Variants in HSD17B2 observed in about 807,000 individuals in gnomAD.
HSD17B2 encodes the protein hydroxysteroid 17-beta dehydrogenase 2.
A neutral mutation model predicts 26.9 loss-of-function variants in HSD17B2; 32 were observed. That is an observed-to-expected ratio of 1.19 (90% CI 0.90 to 1.60). HSD17B2 has a LOEUF of 1.60. HSD17B2 is among the 40% of genes most tolerant of loss of function. The pLI, the probability that HSD17B2 is intolerant of heterozygous loss-of-function variation, is 0.00. For missense variants in HSD17B2, 613 were observed against 468.6 expected, an observed-to-expected ratio of 1.31 and a Z score of -2.85; for synonymous variants, 246 against 186.7, an observed-to-expected ratio of 1.32 and a Z score of -2.59.
At chr16:82,077,602 TGCCTGTA>T (rs1330925528) in intron 3 of HSD17B2, among the ~76,000 whole-genome samples, 1 of 152,028 alleles carries the variant, frequency 6.6e-6, no homozygotes, top group Non-Finnish European at 1.5e-5. Flanking sequence ...TGGTGGCATG[TGCCTGTA>T]GTCCTAGCTA....
At chr16:82,089,644 G>C (rs923551890) in intron 3 of HSD17B2, among the ~76,000 whole-genome samples, 2 of 152,142 alleles carry the variant, frequency 1.3e-5, no homozygotes, top group African/African-American at 4.8e-5. Flanking sequence ...AGTGTTAGCA[G>C]GGCTGTGCTC....
At chr16:82,057,204 CTTT>C (rs34353182) in intron 1 of HSD17B2, among the ~76,000 whole-genome samples, 1 of 143,846 alleles carries the variant, frequency 7.0e-6, no homozygotes. Context: ...CTTTTCTTTT[CTTT>C]TTTTTTTTTT....
intron 1 of HSD17B2, among the ~76,000 whole-genome samples, chr16:82,047,912 T>C (rs1017516516): frequency 8.5e-5 from 13 of 152,182 alleles, no homozygotes; most frequent in African/African-American, 2.9e-4. Flanking sequence ...TAGAGAATGA[T>C]TCTGAGGGTC....
intron 3 of HSD17B2, among the ~76,000 whole-genome samples, chr16:82,080,410 G>C (rs1281390407): frequency 6.6e-6 from 1 of 152,172 alleles, no homozygotes; most frequent in Non-Finnish European, 1.5e-5. Flanking sequence ...GAGTCAGAGA[G>C]AAACTGGAAG....
chr16:82,087,616 G>A (rs1329512695), intron 3 of HSD17B2, among the ~76,000 whole-genome samples: 1 of 152,214 alleles, frequency 6.6e-6, no homozygotes, highest in Non-Finnish European at 1.5e-5. Context: ...GATTGTCAAT[G>A]TGGTATATGA....
chr16:82,035,436 C>G lies in HSD17B2; in HGVS notation c.12C>G (p.Phe4Leu), dbSNP rs200277145. The G allele has an allele frequency of 1.9e-4, 304 of 1,611,372 alleles. No homozygotes were observed. Among genetic ancestry groups the G allele is most frequent in the Non-Finnish European group, 2.4e-4 (285 of 1,178,382 alleles). MST[F>L]FSDTAWICLA... is the part of the protein sequence containing the mutation. The stretch of plus-strand genomic sequence containing the variant: ...GCAAGTCACTGAGAATGAGCACTTT[C>G]TTCTCGGACACAGCATGGATCTGCC... The change falls in exon 1 of 5, where the codon TTC becomes TTG. Residue 4 changes from phenylalanine (F) to leucine (L), a missense_variant. By Grantham distance (22) the Phe-to-Leu change is conservative. Transcript: ENST00000199936.
chr16:82,066,165 G>T (rs927617780), intron 1 of HSD17B2, among the ~76,000 whole-genome samples: 2 of 152,162 alleles, frequency 1.3e-5, no homozygotes, highest in Non-Finnish European at 2.9e-5. Context: ...TCTATCACAT[G>T]GTCCAGACAC....
In HSD17B2 at chr16:82,057,532, C is replaced by T. The variant is rs1367323536; in HGVS notation, c.266-10638C>T. On this transcript the variant is annotated intron_variant, in intron 1 of 4. Transcript: ENST00000199936. ...GTTTTTAAGTGTGGCCTGTGCACAACGGCTTCCTTTCAAAGCGTACAGCTT... is the reference window on the plus strand; with the variant it reads ...GTTTTTAAGTGTGGCCTGTGCACAATGGCTTCCTTTCAAAGCGTACAGCTT... Among the ~76,000 whole-genome samples the T allele has an allele frequency of 2.6e-5, 4 of 152,146 alleles. No homozygotes were observed. The East Asian group carries it at 7.7e-4, about 29-fold the overall frequency.
chr16:82,066,443 C>T (rs577816539), intron 1 of HSD17B2, among the ~76,000 whole-genome samples: 13 of 151,834 alleles, frequency 8.6e-5, no homozygotes, highest in Middle Eastern at 3.4e-3. Flanking sequence ...ATGCTAGGAT[C>T]TCTCTCTCTT....
intron 1 of HSD17B2, among the ~76,000 whole-genome samples, chr16:82,061,431 G>T (rs1914435850): frequency 6.6e-6 from 1 of 152,170 alleles, no homozygotes; most frequent in Non-Finnish European, 1.5e-5. Flanking sequence ...GCACAGAGAG[G>T]TTAAGTGACA....
chr16:82,039,744 GC>G (rs1481947662), intron 1 of HSD17B2, among the ~76,000 whole-genome samples: 1 of 152,052 alleles, frequency 6.6e-6, no homozygotes, highest in African/African-American at 2.4e-5. Flanking sequence ...CTTTCATCCT[GC>G]CCCCTCCAGT....
intron 4 of HSD17B2, chr16:82,097,393 A>C (rs1278843267): frequency 7.4e-6 from 1 of 134,376 alleles, no homozygotes; most frequent in Non-Finnish European, 1.7e-5. Context: ...ATATATATAT[A>C]TATTTTAGAG....
At position 82,070,850 on chromosome 16, in the gene HSD17B2, G is replaced by A. The variant is rs145957511; in HGVS notation, c.479-92G>A. 941 of 1,240,392 alleles carry A rather than the reference G, an allele frequency of 7.6e-4. 6 individuals carry two copies. The African/African-American group carries it at 0.012, about 16-fold the overall frequency. 76.8% of individuals were successfully genotyped at this position (1,240,392 alleles called of 1,614,324 possible). ...ATCCCCCAGGAGACCTGGCTCACAC[G>A]TAACACCTCTTGCATGGTCTTCCAG... is the stretch of plus-strand genomic sequence containing the variant. On this transcript the variant is annotated intron_variant, in intron 2 of 4. Transcript: ENST00000199936.
chr16:82,091,856 T>C (rs1025901373), intron 4 of HSD17B2: 2 of 152,148 alleles, frequency 1.3e-5, no homozygotes, highest in Non-Finnish European at 2.9e-5. Flanking sequence ...CACAAAGGAA[T>C]TGCGTTGGCT....
At chr16:82,087,254 T>TA (rs1364900158) in intron 3 of HSD17B2, among the ~76,000 whole-genome samples, 1 of 152,134 alleles carries the variant, frequency 6.6e-6, no homozygotes, top group Non-Finnish European at 1.5e-5. Context: ...ATAGCACACT[T>TA]AAAAAATATG....
chr16:82,090,750 T>C (rs1433286892), intron 3 of HSD17B2, 152 bp from the exon 4 acceptor site: 2 of 683,656 alleles, frequency 2.9e-6, no homozygotes, highest in Non-Finnish European at 4.9e-6. Context: ...AGCAAGAACA[T>C]TGCTCACCTG....
At chr16:82,054,232 A>G (rs1198073589) in intron 1 of HSD17B2, among the ~76,000 whole-genome samples, 4 of 152,104 alleles carry the variant, frequency 2.6e-5, no homozygotes, top group African/African-American at 9.7e-5. Context: ...AAGAAAAAAA[A>G]GAAAGAAAAG....
chr16:82,036,494 C>A (rs192006365), intron 1 of HSD17B2, among the ~76,000 whole-genome samples: 1 of 151,442 alleles, frequency 6.6e-6, no homozygotes, highest in African/African-American at 2.4e-5. Context: ...GAAAGCCCTA[C>A]CAAATAAAAA....
At chr16:82,052,336 T>G (rs185726628) in intron 1 of HSD17B2, 155 of 152,330 alleles carry the variant, frequency 1.0e-3, no homozygotes, top group African/African-American at 3.6e-3. Flanking sequence ...TTGCAAATAA[T>G]GAATTTAACA....
Sources: allele counts gnomAD v4.1 joint callset (sites outside exome capture counted in the v4.1 genomes callset), GRCh38; gene constraint gnomAD v4.1.1; transcripts MANE v1.5; gene names NCBI Gene and HGNC (gene_info 2026-07-23, HGNC 2026-07-21).